Variants in C1orf21 observed in about 807,000 individuals in gnomAD.
The protein encoded by C1orf21 is uncharacterized protein C1orf21.
A neutral mutation model predicts 18.7 loss-of-function variants in C1orf21; 3 were observed. The ratio of observed to expected loss-of-function variants is 0.16; its 90% confidence interval spans 0.07 to 0.42. The LOEUF (loss-of-function observed/expected upper bound fraction) is 0.42. Among genes scored for constraint, C1orf21 ranks in the 10% least tolerant of loss-of-function variants. C1orf21 has a pLI of 0.99. For synonymous variants in C1orf21, 41 were observed against 46.4 expected (o/e 0.88, Z 0.47); for missense variants, 104 against 143.6 (o/e 0.72, Z 1.41).
intron 2 of C1orf21, among the ~76,000 whole-genome samples, chr1:184,487,575 C>T (rs1657751596): frequency 2.0e-5 from 3 of 152,180 alleles, no homozygotes; most frequent in Admixed American, 6.5e-5. Context: ...AACATTTGCT[C>T]AGAAGTCTTT....
chr1:184,492,952 C>G (rs1657836245), intron 2 of C1orf21, among the ~76,000 whole-genome samples: 1 of 152,206 alleles, frequency 6.6e-6, no homozygotes, highest in East Asian at 1.9e-4. Flanking sequence ...GATCTGATCA[C>G]TCTGAGAGTG....
At chr1:184,446,509 A>G (rs1657032122) in intron 1 of C1orf21, among the ~76,000 whole-genome samples, 1 of 152,212 alleles carries the variant, frequency 6.6e-6, no homozygotes, top group African/African-American at 2.4e-5. Context: ...AATCTGCAGG[A>G]TATAGAAGAA....
intron 5 of C1orf21, among the ~76,000 whole-genome samples, chr1:184,607,687 ATG>A (rs1242499540): frequency 3.5e-4 from 52 of 148,616 alleles, no homozygotes; most frequent in Non-Finnish European, 6.4e-4. Flanking sequence ...ATATACATAT[ATG>A]TGTGTGTATA....
intron 3 of C1orf21, among the ~76,000 whole-genome samples, chr1:184,588,162 A>G (rs1210218320): frequency 6.6e-6 from 1 of 152,222 alleles, no homozygotes; most frequent in Non-Finnish European, 1.5e-5. Flanking sequence ...AATTATGGAT[A>G]TTCAGACCTG....
intron 3 of C1orf21, among the ~76,000 whole-genome samples, chr1:184,542,314 C>A (rs1008529882): frequency 6.6e-6 from 1 of 152,060 alleles, no homozygotes; most frequent in Non-Finnish European, 1.5e-5. Flanking sequence ...TTTTTCGTAT[C>A]CTTATTTTAG....
intron 3 of C1orf21, among the ~76,000 whole-genome samples, chr1:184,512,881 C>T (rs1658171891): frequency 6.6e-6 from 1 of 152,236 alleles, no homozygotes; most frequent in Non-Finnish European, 1.5e-5. Flanking sequence ...GAGACCGAAG[C>T]TTCATCTGTA....
intron 3 of C1orf21, 60 bp downstream of exon 3, chr1:184,507,742 G>T (rs1047076732): frequency 7.5e-6 from 10 of 1,339,858 alleles, no homozygotes; most frequent in Non-Finnish European, 9.2e-6. Flanking sequence ...AATAAAATCT[G>T]CACTGCATGT....
Position 184,619,559 on chromosome 1 carries a change from C to A in C1orf21, c.*3C>A. 1 of 1,613,460 alleles carries A rather than the reference C, an allele frequency of 6.2e-7. No homozygotes were observed. The stretch of plus-strand genomic sequence containing the variant: ...CGGAAGAAGAGGATATCACATAGCA[C>A]CAATTTTACCACTCAAACCAGGAGC... On this transcript the variant is annotated 3_prime_UTR_variant, in exon 6 of 6. Transcript: ENST00000235307.
At position 184,626,005 on chromosome 1, in the gene C1orf21, C is replaced by G. The variant is rs1489911759; in HGVS notation, c.*6449C>G. On this transcript the variant is annotated 3_prime_UTR_variant, in exon 6 of 6. Coordinates refer to ENST00000235307, the MANE Select transcript of C1orf21 (RefSeq NM_030806.4). Reference sequence around the variant, plus strand: ...ATTTCAGCAGCTCCACTGGGATGCTCTAACCCCAGTGTGTGGAGTTGGGGT... The same window carrying G: ...ATTTCAGCAGCTCCACTGGGATGCTGTAACCCCAGTGTGTGGAGTTGGGGT... 3 of 152,220 alleles carry G rather than the reference C, an allele frequency of 2.0e-5. No homozygotes were observed. The highest frequency in any genetic ancestry group is 7.2e-5 in the African/African-American group (3 of 41,460). 9.4% of individuals were successfully genotyped at this position (152,220 alleles called of 1,614,324 possible). A position where few individuals can be genotyped will look rare whatever the true frequency, so the allele number is the denominator to read the frequency against.
At chr1:184,446,786 T>C (rs757397658) in intron 1 of C1orf21, among the ~76,000 whole-genome samples, 7 of 151,168 alleles carry the variant, frequency 4.6e-5, no homozygotes, top group Non-Finnish European at 1.0e-4. Context: ...TATTTGATGA[T>C]TTTAAGGACT....
At chr1:184,465,700 G>A (rs753295455) in intron 1 of C1orf21, among the ~76,000 whole-genome samples, 1 of 152,164 alleles carries the variant, frequency 6.6e-6, no homozygotes, top group Non-Finnish European at 1.5e-5. Context: ...ACCCAATGGA[G>A]GGCTCACAGA....
At chr1:184,449,190 C>T (rs945157220) in intron 1 of C1orf21, among the ~76,000 whole-genome samples, 3 of 151,366 alleles carry the variant, frequency 2.0e-5, no homozygotes, top group Non-Finnish European at 2.9e-5. Flanking sequence ...CTAATGCTAT[C>T]CCTCCCCCTT....
chr1:184,451,531 C>A (rs1432647631), intron 1 of C1orf21, among the ~76,000 whole-genome samples: 1 of 148,596 alleles, frequency 6.7e-6, no homozygotes, highest in Non-Finnish European at 1.5e-5. Flanking sequence ...TCTCGAACTC[C>A]TGGCCTCAAG....
chr1:184,455,621 A>G (rs1378540324), intron 1 of C1orf21, among the ~76,000 whole-genome samples: 2 of 152,096 alleles, frequency 1.3e-5, no homozygotes, highest in Non-Finnish European at 2.9e-5. Context: ...CCTTTCTAGG[A>G]TTGCTAATAT....
intron 1 of C1orf21, among the ~76,000 whole-genome samples, chr1:184,451,556 C>T (rs773460224): frequency 4.7e-5 from 7 of 148,866 alleles, no homozygotes; most frequent in East Asian, 2.0e-4. Flanking sequence ...CCTCCCATCT[C>T]GGACTCTCAG....
intron 1 of C1orf21, among the ~76,000 whole-genome samples, chr1:184,397,540 C>T (rs11584402): frequency 7.3e-5 from 11 of 151,574 alleles, no homozygotes; most frequent in South Asian, 2.1e-4. Context: ...GAGCCAAGAT[C>T]GCGCTACTGC....
intron 1 of C1orf21, among the ~76,000 whole-genome samples, chr1:184,445,358 C>G (rs1657012919): frequency 6.6e-6 from 1 of 151,870 alleles, no homozygotes; most frequent in South Asian, 2.1e-4. Context: ...CTCTCTCTCT[C>G]TCTCTCTCTC....
intron 3 of C1orf21, among the ~76,000 whole-genome samples, chr1:184,557,567 G>A (rs1481300697): frequency 6.6e-6 from 1 of 152,186 alleles, no homozygotes; most frequent in African/African-American, 2.4e-5. Flanking sequence ...AGGTTGATGT[G>A]AATGCCATTA....
chr1:184,440,594 C>T (rs1169228013), intron 1 of C1orf21, among the ~76,000 whole-genome samples: 1 of 151,492 alleles, frequency 6.6e-6, no homozygotes, highest in Non-Finnish European at 1.5e-5. Context: ...AAGTATTTGC[C>T]TTGAGGAAAT....
Sources: allele counts gnomAD v4.1 joint callset (sites outside exome capture counted in the v4.1 genomes callset), GRCh38; gene constraint gnomAD v4.1.1; transcripts MANE v1.5; gene names NCBI Gene and HGNC (gene_info 2026-07-23, HGNC 2026-07-21).